Variants in RELN observed in about 807,000 individuals in gnomAD.
The protein encoded by RELN is reelin.
A neutral mutation model predicts 427.6 loss-of-function variants in RELN; 108 were observed. The observed-to-expected ratio is 0.25, with a 90% CI of 0.22 to 0.30. The LOEUF (loss-of-function observed/expected upper bound fraction) is 0.30, where lower values mean the gene tolerates loss of function less well. Ranked by LOEUF, RELN falls within the 10% of genes least tolerant of loss-of-function variation. The pLI is 1.00. For missense variants in RELN, 3,715 were observed against 4,302.8 expected (o/e 0.86, Z 3.82); for synonymous variants, 1,524 against 1,513.4 (o/e 1.01, Z -0.16).
chr7:103,587,778 TG>T (rs1320378982), intron 28 of RELN, among the ~76,000 whole-genome samples: 2 of 151,956 alleles, frequency 1.3e-5, no homozygotes, highest in Non-Finnish European at 2.9e-5. Context: ...TATGAAAAAA[TG>T]TCAACATCAC....
At chr7:103,506,997 T>C (rs765313866) in intron 51 of RELN, among the ~76,000 whole-genome samples, 1 of 152,184 alleles carries the variant, frequency 6.6e-6, no homozygotes, top group Non-Finnish European at 1.5e-5. Flanking sequence ...GTTCTAAATA[T>C]ATATGCACCC....
At chr7:103,753,477 TAAAG>T (rs1350981057) in intron 4 of RELN, among the ~76,000 whole-genome samples, 1 of 152,170 alleles carries the variant, frequency 6.6e-6, no homozygotes, top group African/African-American at 2.4e-5. Context: ...TAGCTCTAAT[TAAAG>T]ATTTTCTTGA....
chr7:103,950,229 A>G (rs901886313), intron 1 of RELN, among the ~76,000 whole-genome samples: 1 of 152,210 alleles, frequency 6.6e-6, no homozygotes, highest in African/African-American at 2.4e-5. Flanking sequence ...CAAAGGCCCT[A>G]CTTCCTAATA....
At chr7:103,799,763 G>A (rs1374540373) in intron 3 of RELN, among the ~76,000 whole-genome samples, 1 of 152,156 alleles carries the variant, frequency 6.6e-6, no homozygotes, top group Non-Finnish European at 1.5e-5. Flanking sequence ...ATAGCAGAGT[G>A]GTGAAGAGCA....
intron 36 of RELN, among the ~76,000 whole-genome samples, chr7:103,558,944 CTCT>C (rs1830583598): frequency 6.6e-6 from 1 of 152,158 alleles, no homozygotes; most frequent in African/African-American, 2.4e-5. Context: ...GAACATTTTC[CTCT>C]TCTTCATCAT....
chr7:103,736,604 G>A (rs1790499238), intron 6 of RELN, among the ~76,000 whole-genome samples: 1 of 152,270 alleles, frequency 6.6e-6, no homozygotes, highest in Non-Finnish European at 1.5e-5. Context: ...AGGTACGAAT[G>A]ACAAACGTTA....
At chr7:103,611,957 T>C (rs1831969884) in intron 20 of RELN, among the ~76,000 whole-genome samples, 154 bp from the exon 21 acceptor site, 1 of 152,224 alleles carries the variant, frequency 6.6e-6, no homozygotes, top group African/African-American at 2.4e-5. Flanking sequence ...ATCTAATAAA[T>C]GCAATTTGAA....
chr7:103,591,841 T>C (rs192543768), intron 27 of RELN, among the ~76,000 whole-genome samples: 1 of 152,310 alleles, frequency 6.6e-6, no homozygotes, highest in African/African-American at 2.4e-5. Context: ...TCTTAAACTT[T>C]CCATTCAGGA....
rs1797167752 is a variant in RELN, at chr7:103,989,154, T to C, written c.203A>G (p.Tyr68Cys). Reference sequence around the variant, plus strand: ...ACCATGGTATTCTTGTCCCGGAACGTAGTAGGTGGGGTTGCCCGCAATATG... The same window carrying C: ...ACCATGGTATTCTTGTCCCGGAACGCAGTAGGTGGGGTTGCCCGCAATATG... ...SLHIAGNPTY[Y>C]VPGQEYHVTI... The change falls in exon 1 of 65, where the codon TAC becomes TGC. Residue 68 changes from tyrosine to cysteine, a missense_variant. This residue lies in a region of RELN where 2,208 missense variants were observed against 2,361.7 expected (regional missense o/e 0.93). Transcript: ENST00000428762. The surrounding 1 kb of genome is among the most constrained non-coding windows in gnomAD (Gnocchi z 4.9). The C allele has an allele frequency of 6.2e-6, 10 of 1,613,654 alleles. No individual in the cohort carries two copies. Among genetic ancestry groups the C allele is most frequent in the African/African-American group, 1.3e-5 (1 of 74,852 alleles).
intron 16 of RELN, among the ~76,000 whole-genome samples, chr7:103,649,288 A>G (rs1056422067): frequency 2.0e-5 from 3 of 152,064 alleles, no homozygotes; most frequent in Non-Finnish European, 4.4e-5. Flanking sequence ...TTTTGCTACA[A>G]CATAGCTGGA....
At chr7:103,956,134 G>T (rs111390044) in intron 1 of RELN, among the ~76,000 whole-genome samples, 2,380 of 152,206 alleles carry the variant, frequency 0.016, 56 homozygotes, top group African/African-American at 0.053. Context: ...TCCCCTCCTA[G>T]CTACTGCTTT....
intron 64 of RELN, chr7:103,476,770 A>G (rs1264917651): frequency 5.4e-6 from 2 of 370,438 alleles, no homozygotes; most frequent in Admixed American, 2.9e-5. Context: ...TTTAACATTT[A>G]TCTTATATTT....
chr7:103,704,220 A>T (rs1408371923), intron 8 of RELN, among the ~76,000 whole-genome samples: 6 of 152,262 alleles, frequency 3.9e-5, no homozygotes, highest in Non-Finnish European at 8.8e-5. Flanking sequence ...TGTTTACTCA[A>T]CCCCATAATA....
intron 1 of RELN, among the ~76,000 whole-genome samples, chr7:103,977,383 A>G (rs2116833924): frequency 6.6e-6 from 1 of 151,278 alleles, no homozygotes; most frequent in Non-Finnish European, 1.5e-5. Flanking sequence ...ACAATCCCGG[A>G]GTATCTGGGC....
At chr7:103,878,100 G>T (rs978569702) in intron 2 of RELN, among the ~76,000 whole-genome samples, 17 of 151,946 alleles carry the variant, frequency 1.1e-4, no homozygotes, top group Non-Finnish European at 2.4e-4. Context: ...CAGGTGATCT[G>T]CCCACCTTGG....
intron 28 of RELN, among the ~76,000 whole-genome samples, chr7:103,587,601 C>T (rs567280979): frequency 2.6e-5 from 4 of 152,006 alleles, no homozygotes; most frequent in South Asian, 2.1e-4. Flanking sequence ...CCTATGGGAT[C>T]GGAAAAATAT....
intron 1 of RELN, among the ~76,000 whole-genome samples, chr7:103,957,709 T>C (rs1356117625): frequency 6.6e-6 from 1 of 152,200 alleles, no homozygotes; most frequent in African/African-American, 2.4e-5. Context: ...CTGTATTCAT[T>C]TTACATGTGT....
At chr7:103,609,222 CAAAA>C (rs11342938) in intron 22 of RELN, among the ~76,000 whole-genome samples, 32,905 of 120,822 alleles carry the variant, frequency 0.27, 3,586 homozygotes, top group Middle Eastern at 0.4. Context: ...GACTCTGTCT[CAAAA>C]AAAAAAAAAA....
chr7:103,552,750 T>G (rs180941073), intron 40 of RELN, among the ~76,000 whole-genome samples: 4 of 152,186 alleles, frequency 2.6e-5, no homozygotes, highest in Admixed American at 6.5e-5. Flanking sequence ...TCTGCCTGCC[T>G]TGGCCTCCCA....
Sources: allele counts gnomAD v4.1 joint callset (sites outside exome capture counted in the v4.1 genomes callset), GRCh38; gene constraint gnomAD v4.1.1; regional missense constraint gnomAD v4.1.1; non-coding constraint Gnocchi (gnomAD v3.1); transcripts MANE v1.5; gene names NCBI Gene and HGNC (gene_info 2026-07-23, HGNC 2026-07-21).